STRA8: variants seen among roughly 807,000 people sequenced by gnomAD.
STRA8 encodes stimulated by retinoic acid gene 8 protein homolog.
STRA8 carries 18 observed loss-of-function variants against 37.1 expected under a neutral mutation model. That is an observed-to-expected ratio of 0.48 (90% CI 0.34 to 0.72). The LOEUF is 0.72. Among genes scored for constraint, STRA8 ranks in the 30% least tolerant of loss-of-function variants. The probability of loss-of-function intolerance (pLI) is 0.01; values close to 1 mark genes in which losing one functional copy is unlikely to be tolerated. For missense variants in STRA8, 357 were observed against 410.4 expected (o/e 0.87, Z 1.13); for synonymous variants, 168 against 162.9 (o/e 1.03, Z -0.24).
chr7:135,233,276 C>G (rs926438820), upstream of STRA8, among the ~76,000 whole-genome samples: 1 of 152,104 alleles, frequency 6.6e-6, no homozygotes, highest in East Asian at 1.9e-4. Context: ...CCCATTTTCT[C>G]CCCCCATCCT....
chr7:135,240,355 T>C (rs1832442803), intron 1 of STRA8, among the ~76,000 whole-genome samples, 164 bp from the exon 2 acceptor site: 2 of 152,206 alleles, frequency 1.3e-5, no homozygotes, highest in Admixed American at 1.3e-4. Context: ...CAAATTTCTC[T>C]CACTGTAAAT....
chr7:135,238,575 C>A (rs1467197275), intron 1 of STRA8, among the ~76,000 whole-genome samples: 1 of 152,154 alleles, frequency 6.6e-6, no homozygotes, highest in African/African-American at 2.4e-5. Flanking sequence ...CTGGGAGGAC[C>A]CTGTTATTTT....
At position 135,246,489 on chromosome 7, in the gene STRA8, G is replaced by C; in HGVS notation, c.666G>C (p.Ala222=). ...GSGIITPQEA[A]LPIVSAAISH... ...GGATCATTACCCCGCAGGAGGCGGC[G>C]CTGCCCATCGTCTCCGCGGCCATCT... Residue 222 remains alanine (A), a synonymous_variant, in exon 6 of 9, where the codon GCG becomes GCC. Coordinates refer to ENST00000662584, the MANE Select transcript of STRA8 (RefSeq NM_001394401.1). This position sits in a 1 kb window ranked among gnomAD's most constrained non-coding sequence, Gnocchi z 5.4. The C allele has an allele frequency of 6.3e-7, 1 of 1,582,480 alleles. No homozygotes were observed. The highest frequency in any genetic ancestry group is 8.6e-7 in the Non-Finnish European group (1 of 1,163,764).
chr7:135,242,994 T>G, intron 3 of STRA8, 138 bp downstream of exon 3: 1 of 957,418 alleles, frequency 1.0e-6, no homozygotes, highest in Non-Finnish European at 1.6e-6. Context: ...GAACTGTGCT[T>G]GGGCCAATGT....
intron 6 of STRA8, among the ~76,000 whole-genome samples, chr7:135,249,288 T>C (rs138563853): frequency 6.6e-6 from 1 of 152,220 alleles, no homozygotes; most frequent in African/African-American, 2.4e-5. Context: ...AAAATATATA[T>C]AAATAAATAT....
chr7:135,243,881 C>T (rs1832506626), intron 4 of STRA8, among the ~76,000 whole-genome samples: 1 of 152,138 alleles, frequency 6.6e-6, no homozygotes, highest in Non-Finnish European at 1.5e-5. Flanking sequence ...GTCTATATTC[C>T]AAGCCTCCTA....
intron 1 of STRA8, among the ~76,000 whole-genome samples, chr7:135,240,020 A>G (rs949966749): frequency 6.6e-6 from 1 of 152,128 alleles, no homozygotes; most frequent in African/African-American, 2.4e-5. Flanking sequence ...TTGAGGTAGA[A>G]AAGACCTCAC....
chr7:135,255,083 T>C (rs372816023), intron 7 of STRA8, 31 bp from the exon 8 acceptor site: 106 of 1,544,184 alleles, frequency 6.9e-5, no homozygotes, highest in Middle Eastern at 1.7e-4. Context: ...ATCCTGAATA[T>C]TTGTTGCCTT....
Position 135,240,551 on chromosome 7 carries a change from T to C in STRA8, c.27T>C (p.Asn9=). The change falls in exon 2 of 9, where the codon AAT becomes AAC. Residue 9 remains asparagine (N), a synonymous_variant. Coordinates refer to ENST00000662584, the MANE Select transcript of STRA8 (RefSeq NM_001394401.1). ...TGGCAACCCCTGAAGAAAACAGCAA[T>C]CCCCATGACAGAGCAACACCCCAGC... MATPEENS[N]PHDRATPQLP... The C allele has an allele frequency of 6.2e-7, 1 of 1,612,830 alleles. No individual in the cohort carries two copies. Among genetic ancestry groups the C allele is most frequent in the Admixed American group, 1.7e-5 (1 of 59,890 alleles).
In STRA8 at chr7:135,242,874, GC is replaced by G; in HGVS notation, c.268+20del. ...GCTGAAAGGTAATGGAGCACTACTT[GC>G]CAACCCCATCTCCCTCCCTGGAGAA... On this transcript the variant is annotated intron_variant, in intron 3 of 8. Coordinates refer to ENST00000662584, the MANE Select transcript of STRA8 (RefSeq NM_001394401.1). 6.2e-7 allele frequency: 1 copy of G among 1,613,378 alleles called. No individual in the cohort carries two copies. The highest frequency in any genetic ancestry group is 8.5e-7 in the Non-Finnish European group (1 of 1,179,366).
rs765874408 is a variant in STRA8, at chr7:135,246,510, C to T, written c.687C>T (p.Ala229=). 5.8e-5 allele frequency: 92 copies of T among 1,576,496 alleles called. No homozygotes were observed. In the Middle Eastern group the frequency reaches 1.5e-3, roughly 26 times the overall value. ...QEAALPIVSA[A]ISHLWQNLSE... ...CGGCGCTGCCCATCGTCTCCGCGGCCATCTCCCACCTGTGGCAGAACCTCT... is the reference window on the plus strand; with the variant it reads ...CGGCGCTGCCCATCGTCTCCGCGGCTATCTCCCACCTGTGGCAGAACCTCT... The change falls in exon 6 of 9, where the codon GCC becomes GCT. Residue 229 remains alanine (A), a synonymous_variant. Transcript: ENST00000662584. This position sits in a 1 kb window ranked among gnomAD's most constrained non-coding sequence, Gnocchi z 5.4.
In STRA8 at chr7:135,246,257, C is replaced by T. The variant is rs1322400221; in HGVS notation, c.594-160C>T. 2 of 998,966 alleles carry T rather than the reference C, an allele frequency of 2.0e-6. No individual in the cohort carries two copies. Among genetic ancestry groups the T allele is most frequent in the Admixed American group, 5.6e-5 (2 of 35,794 alleles). The allele number at this position is 998,966 out of a possible 1,614,324, so 61.9% of individuals were successfully genotyped here. The stretch of plus-strand genomic sequence containing the variant: ...CATGGCCCCCAGGAAGGCTGCTGCT[C>T]TCCAAGGGCCAGGGGCGTGCAGAGT... On this transcript the variant is annotated intron_variant, in intron 5 of 8. Coordinates refer to ENST00000662584, the MANE Select transcript of STRA8 (RefSeq NM_001394401.1). The surrounding 1 kb of genome is among the most constrained non-coding windows in gnomAD (Gnocchi z 5.4).
chr7:135,241,980 A>G lies in STRA8; in HGVS notation c.193-801A>G, dbSNP rs78755703. On this transcript the variant is annotated intron_variant, in intron 2 of 8. Transcript: ENST00000662584. ...CCATTTTAGCATTGCTCGTTTTTGA[A>G]TAATCTTGCTGTTACCATTTTGACT... Among the ~76,000 whole-genome samples, 1,993 of 151,946 alleles carry G rather than the reference A, an allele frequency of 0.013. 133 individuals carry two copies. In the East Asian group the frequency reaches 0.21, roughly 16 times the overall value.
chr7:135,249,284 T>A (rs2117813988), intron 6 of STRA8, among the ~76,000 whole-genome samples: 1 of 152,280 alleles, frequency 6.6e-6, no homozygotes, highest in South Asian at 2.1e-4. Context: ...TGAAAAAATA[T>A]ATATAAATAA....
upstream of STRA8, chr7:135,232,063 C>A: frequency 6.2e-7 from 1 of 1,611,018 alleles, no homozygotes; most frequent in Non-Finnish European, 8.5e-7. Context: ...TAGTAACTTT[C>A]CCCCCAGGAC....
chr7:135,258,540 C>T lies in STRA8; in HGVS notation c.*48C>T. ...GAGGGACTGAATGAGGTGGGCAGTTCCCAAGGTTGAATGCTGGCAGCTAAG... is the reference window on the plus strand; with the variant it reads ...GAGGGACTGAATGAGGTGGGCAGTTTCCAAGGTTGAATGCTGGCAGCTAAG... On this transcript the variant is annotated 3_prime_UTR_variant, in exon 9 of 9. Coordinates refer to ENST00000662584, the MANE Select transcript of STRA8 (RefSeq NM_001394401.1). 6.6e-7 allele frequency: 1 copy of T among 1,514,362 alleles called. No individual in the cohort carries two copies. Among genetic ancestry groups the T allele is most frequent in the Non-Finnish European group, 9.0e-7 (1 of 1,112,934 alleles). 93.8% of individuals were successfully genotyped at this position (1,514,362 alleles called of 1,614,324 possible).
At chr7:135,242,057 A>T (rs1264918997) in intron 2 of STRA8, among the ~76,000 whole-genome samples, 13 of 126,834 alleles carry the variant, frequency 1.0e-4, no homozygotes, top group African/African-American at 3.8e-4. Context: ...GGAAGAGAAG[A>T]GGAGGAAGGA....
chr7:135,242,762 T>C lies in STRA8; in HGVS notation c.193-19T>C, dbSNP rs1320057406. On this transcript the variant is annotated intron_variant, in intron 2 of 8. Transcript: ENST00000662584. ...GCAGTGAGAGGCTGGCTTTCAGCAT[T>C]GTCTCTGTCTATCCTCAGTGGCAGG... is the stretch of plus-strand genomic sequence containing the variant. 1 of 1,613,662 alleles carries C rather than the reference T, an allele frequency of 6.2e-7. No homozygotes were observed.
chr7:135,237,865 C>T (rs979147032), intron 1 of STRA8, among the ~76,000 whole-genome samples: 1 of 151,912 alleles, frequency 6.6e-6, no homozygotes, highest in African/African-American at 2.4e-5. Flanking sequence ...GCACTCCAAC[C>T]CAGGCGACAG....
Sources: allele counts gnomAD v4.1 joint callset (sites outside exome capture counted in the v4.1 genomes callset), GRCh38; gene constraint gnomAD v4.1.1; non-coding constraint Gnocchi (gnomAD v3.1); transcripts MANE v1.5; gene names NCBI Gene and HGNC (gene_info 2026-07-23, HGNC 2026-07-21).